Variants in PARG observed in about 807,000 individuals in gnomAD.
PARG encodes poly(ADP-ribose) glycohydrolase.
A neutral mutation model predicts 113.0 loss-of-function variants in PARG; 35 were observed. The ratio of observed to expected loss-of-function variants is 0.31; its 90% CI spans 0.24 to 0.41. The LOEUF is 0.41. PARG is among the 10% of genes least tolerant of loss of function. PARG has a pLI of 1.00. For missense variants in PARG, 797 were observed against 1,169.4 expected, an observed-to-expected ratio of 0.68 and a Z score of 4.64; for synonymous variants, 330 against 409.9, an observed-to-expected ratio of 0.81 and a Z score of 2.36.
At chr10:49,922,732 A>C in intron 4 of PARG, 63 bp from the exon 5 acceptor site, 1 of 1,033,406 alleles carries the variant, frequency 9.7e-7, no homozygotes, top group Non-Finnish European at 1.4e-6. Flanking sequence ...CTATAAAATA[A>C]TCCTAAGTAA....
chr10:49,927,178 G>A (rs1427935480), intron 4 of PARG, among the ~76,000 whole-genome samples: 11 of 152,004 alleles, frequency 7.2e-5, no homozygotes, highest in African/African-American at 1.2e-4. Flanking sequence ...ATTGTGCCGC[G>A]CGTCGGTAGT....
chr10:49,857,496 C>G, intron 12 of PARG, 43 bp from the exon 13 acceptor site: 2 of 1,498,012 alleles, frequency 1.3e-6, no homozygotes, highest in Non-Finnish European at 9.2e-7. Flanking sequence ...TCAAAAATAC[C>G]TACACATATG....
At chr10:49,909,864 T>C in intron 7 of PARG, 1 of 166,190 alleles carries the variant, frequency 6.0e-6, no homozygotes, top group Non-Finnish European at 1.3e-5. Context: ...GTGGCATGGT[T>C]CATGCCAAAT....
At chr10:49,896,274 GTTA>G (rs1848081617) in intron 7 of PARG, among the ~76,000 whole-genome samples, 1 of 152,182 alleles carries the variant, frequency 6.6e-6, no homozygotes, top group South Asian at 2.1e-4. Flanking sequence ...TAATAGTTTT[GTTA>G]TTGTTGTTTT....
At chr10:49,848,724 A>T (rs1470150972) in intron 13 of PARG, among the ~76,000 whole-genome samples, 1 of 152,148 alleles carries the variant, frequency 6.6e-6, no homozygotes, top group Non-Finnish European at 1.5e-5. Context: ...TAATCTGAAA[A>T]TCAATTGCAT....
In PARG at chr10:49,937,403, G is replaced by A. The variant is rs1223162860; in HGVS notation, c.218-2261C>T. 3.3e-5 allele frequency among the ~76,000 whole-genome samples: 5 copies of A among 151,994 alleles called. No homozygotes were observed. The East Asian group carries it at 9.7e-4, about 29-fold the overall frequency. On this transcript the variant is annotated intron_variant, in intron 1 of 17. Coordinates refer to ENST00000616448, the MANE Select transcript of PARG (RefSeq NM_003631.5). Reference sequence around the variant, plus strand: ...AGGCAGGAGAATGGCGTGAACCCGGGAGGTGGAGCTTGCAGTGAGCGGAGA... The same window carrying A: ...AGGCAGGAGAATGGCGTGAACCCGGAAGGTGGAGCTTGCAGTGAGCGGAGA...
intron 15 of PARG, among the ~76,000 whole-genome samples, chr10:49,833,702 T>C (rs1844779480): frequency 6.6e-6 from 1 of 152,232 alleles, no homozygotes; most frequent in South Asian, 2.1e-4. Context: ...TGTCAGCTAG[T>C]TGGTCTTTCT....
chr10:49,927,522 C>T (rs1424480933), intron 4 of PARG, among the ~76,000 whole-genome samples: 1 of 151,816 alleles, frequency 6.6e-6, no homozygotes, highest in African/African-American at 2.4e-5. Context: ...ATGAAAAAGG[C>T]TTGAGGAACT....
intron 6 of PARG, among the ~76,000 whole-genome samples, chr10:49,919,814 TA>T (rs1382614398): frequency 6.6e-6 from 1 of 152,104 alleles, no homozygotes; most frequent in Non-Finnish European, 1.5e-5. Context: ...CAGGGAGGTG[TA>T]GGTTGCAGTG....
At chr10:49,854,912 AT>A (rs1409676448) in intron 13 of PARG, among the ~76,000 whole-genome samples, 2 of 151,638 alleles carry the variant, frequency 1.3e-5, no homozygotes, top group African/African-American at 4.9e-5. Context: ...GTCACATTAC[AT>A]TATTTTAAAT....
chr10:49,862,281 G>GTATCA (rs1441355969), intron 11 of PARG, among the ~76,000 whole-genome samples: 1 of 151,836 alleles, frequency 6.6e-6, no homozygotes, highest in Non-Finnish European at 1.5e-5. Flanking sequence ...AAATTCCATT[G>GTATCA]TATCAAAAGT....
chr10:49,837,988 T>C (rs1394952378), intron 15 of PARG, among the ~76,000 whole-genome samples: 1 of 152,216 alleles, frequency 6.6e-6, no homozygotes, highest in Non-Finnish European at 1.5e-5. Flanking sequence ...CAGAAGTTTA[T>C]GATCACAAAA....
intron 9 of PARG, among the ~76,000 whole-genome samples, chr10:49,876,903 C>T (rs1345033333): frequency 6.6e-6 from 1 of 150,634 alleles, no homozygotes; most frequent in East Asian, 1.9e-4. Flanking sequence ...ATGCCCCTTG[C>T]AACTAATATT....
chr10:49,837,758 A>G (rs1554831391), intron 15 of PARG, among the ~76,000 whole-genome samples: 1 of 152,230 alleles, frequency 6.6e-6, no homozygotes, highest in Non-Finnish European at 1.5e-5. Context: ...TTTTTGGAAT[A>G]TATCAGTGAA....
chr10:49,846,746 A>ATGTGTG (rs35901101), intron 13 of PARG, among the ~76,000 whole-genome samples: 11 of 149,310 alleles, frequency 7.4e-5, no homozygotes, highest in African/African-American at 9.8e-5. Context: ...ACAGTTGTAT[A>ATGTGTG]TGTGTGTGTG....
chr10:49,853,624 T>C (rs1246580758), intron 13 of PARG, among the ~76,000 whole-genome samples: 2 of 151,972 alleles, frequency 1.3e-5, no homozygotes, highest in Admixed American at 6.5e-5. Context: ...GGAGTTTATC[T>C]TTCCATTTCA....
At chr10:49,882,325 A>T (rs1847255168) in intron 8 of PARG, among the ~76,000 whole-genome samples, 1 of 150,782 alleles carries the variant, frequency 6.6e-6, no homozygotes, top group South Asian at 2.1e-4. Context: ...TCTAAAATTT[A>T]CCCTTTAGAT....
intron 6 of PARG, among the ~76,000 whole-genome samples, chr10:49,916,450 A>C (rs1554847649): frequency 1.3e-5 from 2 of 152,164 alleles, no homozygotes; most frequent in African/African-American, 4.8e-5. Flanking sequence ...AAAATAAAAA[A>C]TAAAAATTTC....
chr10:49,877,307 T>TA (rs1247503064), intron 9 of PARG, among the ~76,000 whole-genome samples: 1 of 150,464 alleles, frequency 6.6e-6, no homozygotes, highest in Non-Finnish European at 1.5e-5. Flanking sequence ...TTTAAAAGGC[T>TA]AAAAAATATG....
Sources: allele counts gnomAD v4.1 joint callset (sites outside exome capture counted in the v4.1 genomes callset), GRCh38; gene constraint gnomAD v4.1.1; transcripts MANE v1.5; gene names NCBI Gene and HGNC (gene_info 2026-07-23, HGNC 2026-07-21).